CTNNA3: variants seen among roughly 807,000 people sequenced by gnomAD.
CTNNA3 encodes the protein catenin alpha 3.
Under a neutral mutation model 95.7 loss-of-function variants are expected in CTNNA3, and 76 were observed. The observed-to-expected ratio is 0.79, with a 90% confidence interval of 0.66 to 0.96. The LOEUF is 0.96. Ranked by LOEUF, CTNNA3 falls within the 40% of genes least tolerant of loss-of-function variation. The probability of loss-of-function intolerance (pLI) is 0.00; values close to 1 mark genes in which losing one functional copy is unlikely to be tolerated. For missense variants in CTNNA3, 1,191 were observed against 1,089.8 expected (o/e 1.09, Z -1.31); for synonymous variants, 431 against 374.4 (o/e 1.15, Z -1.74).
In CTNNA3 at chr10:67,439,337, A is replaced by G. The variant is rs922821651; in HGVS notation, c.579+82505T>C. 5.3e-5 allele frequency among the ~76,000 whole-genome samples: 8 copies of G among 152,136 alleles called. 1 individual carries two copies. The highest frequency in any genetic ancestry group is 1.3e-4 in the Admixed American group (2 of 15,272). ...GTTTAATTGGCTCATGGTTCTGCCA[A>G]TCAGCATCAGGAAACATGATGCTGG... is the stretch of plus-strand genomic sequence containing the variant. On this transcript the variant is annotated intron_variant, in intron 5 of 17. Coordinates refer to ENST00000433211, the MANE Select transcript of CTNNA3 (RefSeq NM_013266.4).
chr10:66,261,201 C>T (rs7911390), intron 13 of CTNNA3, among the ~76,000 whole-genome samples: 6,980 of 152,142 alleles, frequency 0.046, 275 homozygotes, highest in African/African-American at 0.1. Context: ...ATCTTCTCAG[C>T]TTCTGTTGGG....
At chr10:67,320,749 C>A (rs943035357) in intron 5 of CTNNA3, among the ~76,000 whole-genome samples, 1 of 152,098 alleles carries the variant, frequency 6.6e-6, no homozygotes, top group African/African-American at 2.4e-5. Flanking sequence ...AGCCTTAGTG[C>A]AAATCATACA....
chr10:66,355,895 G>A (rs543870127), intron 12 of CTNNA3, among the ~76,000 whole-genome samples: 1 of 33,570 alleles, frequency 3.0e-5, no homozygotes, highest in South Asian at 1.3e-3. Flanking sequence ...ATAAGTTGAG[G>A]TTCAATGTCT....
chr10:67,682,158 C>CAAAAA (rs1042799163), intron 1 of CTNNA3, among the ~76,000 whole-genome samples: 1 of 103,726 alleles, frequency 9.6e-6, no homozygotes, highest in Admixed American at 9.9e-5. Flanking sequence ...AACCCCGTCT[C>CAAAAA]AAAAAAAAAA....
intron 7 of CTNNA3, among the ~76,000 whole-genome samples, chr10:67,038,179 T>A (rs1347867837): frequency 1.3e-5 from 2 of 152,148 alleles, no homozygotes; most frequent in Non-Finnish European, 2.9e-5. Flanking sequence ...TGAAATTCAG[T>A]TGGATAATCC....
At chr10:66,609,923 A>G (rs565182080) in intron 10 of CTNNA3, among the ~76,000 whole-genome samples, 1 of 152,306 alleles carries the variant, frequency 6.6e-6, no homozygotes, top group East Asian at 1.9e-4. Context: ...GCAGCCATAA[A>G]AAAGATTGAG....
intron 7 of CTNNA3, among the ~76,000 whole-genome samples, chr10:66,826,500 T>C (rs1470024334): frequency 6.6e-6 from 1 of 152,164 alleles, no homozygotes; most frequent in Non-Finnish European, 1.5e-5. Context: ...AGAATGTTTG[T>C]TTTCTAATTT....
At chr10:66,044,486 G>A (rs549556877) in intron 15 of CTNNA3, among the ~76,000 whole-genome samples, 15 of 150,174 alleles carry the variant, frequency 1.0e-4, no homozygotes, top group Middle Eastern at 3.4e-3. Context: ...CCTCCTCTCC[G>A]TACATGACCC....
At chr10:66,784,145 T>A (rs1280862009) in intron 7 of CTNNA3, among the ~76,000 whole-genome samples, 1 of 152,194 alleles carries the variant, frequency 6.6e-6, no homozygotes, top group African/African-American at 2.4e-5. Flanking sequence ...GGATGTATTC[T>A]TTGCTGATTA....
intron 1 of CTNNA3, among the ~76,000 whole-genome samples, chr10:67,723,496 A>G (rs1194415086): frequency 6.6e-6 from 1 of 151,868 alleles, no homozygotes; most frequent in African/African-American, 2.4e-5. Context: ...GTTTCACCAC[A>G]TTGCCTAAGC....
At chr10:67,490,757 T>C (rs1848616535) in intron 5 of CTNNA3, among the ~76,000 whole-genome samples, 1 of 152,142 alleles carries the variant, frequency 6.6e-6, no homozygotes, top group Non-Finnish European at 1.5e-5. Context: ...GGAATGAGTA[T>C]GTGGGGCTCT....
At chr10:66,350,477 G>A (rs1429187841) in intron 12 of CTNNA3, among the ~76,000 whole-genome samples, 1 of 151,762 alleles carries the variant, frequency 6.6e-6, no homozygotes, top group Non-Finnish European at 1.5e-5. Context: ...CTGAGTAAGG[G>A]CAAGAGATAC....
At chr10:67,054,451 T>C (rs1855301128) in intron 7 of CTNNA3, among the ~76,000 whole-genome samples, 1 of 152,182 alleles carries the variant, frequency 6.6e-6, no homozygotes, top group Admixed American at 6.5e-5. Flanking sequence ...CTTCAATCTC[T>C]GGCCTAATGC....
At chr10:67,413,281 A>C (rs1216423226) in intron 5 of CTNNA3, among the ~76,000 whole-genome samples, 1 of 133,274 alleles carries the variant, frequency 7.5e-6, no homozygotes, top group African/African-American at 3.1e-5. Context: ...TTCATTCTTC[A>C]TTCATTCATC....
intron 11 of CTNNA3, among the ~76,000 whole-genome samples, chr10:66,394,550 TAAA>T (rs71035137): frequency 0.083 from 10,584 of 128,144 alleles, 513 homozygotes; most frequent in East Asian, 0.22. Flanking sequence ...AGCACTGGGT[TAAA>T]AAAAAAAAAA....
rs77396703 is a variant in CTNNA3 at position 67,208,223 on chromosome 10, A to C, written c.843+11384T>G. Among the ~76,000 whole-genome samples the C allele has an allele frequency of 1.2e-4, 17 of 139,144 alleles. 1 individual carries two copies. In the South Asian group the frequency reaches 4.0e-3, roughly 33 times the overall value. The allele number at this position is 139,144 out of a possible 152,430, so 91.3% of individuals were successfully genotyped here. A position where few individuals can be genotyped will look rare whatever the true frequency, so the allele number is the denominator to read the frequency against. The stretch of plus-strand genomic sequence containing the variant: ...ACGTCTCTACTAAAAACACACACAC[A>C]AAAAAAATTAGCTGGGCCTGGTGGC... On this transcript the variant is annotated intron_variant, in intron 6 of 17. Transcript: ENST00000433211.
intron 9 of CTNNA3, among the ~76,000 whole-genome samples, chr10:66,666,539 C>CT: frequency 6.6e-6 from 1 of 152,044 alleles, no homozygotes; most frequent in Admixed American, 6.6e-5. Flanking sequence ...ATAAGGACAC[C>CT]TTTTTTGCAT....
intron 7 of CTNNA3, among the ~76,000 whole-genome samples, chr10:66,795,294 T>G (rs1342240839): frequency 6.6e-6 from 1 of 152,116 alleles, no homozygotes; most frequent in Admixed American, 6.6e-5. Context: ...GATCCATGGG[T>G]TACAGAATGG....
intron 5 of CTNNA3, among the ~76,000 whole-genome samples, chr10:67,480,943 G>A (rs61866946): frequency 5.3e-4 from 81 of 152,144 alleles, no homozygotes; most frequent in Admixed American, 9.8e-4. Context: ...GGGACGCAAC[G>A]TTGGTTCAAC....
Sources: allele counts gnomAD v4.1 joint callset (sites outside exome capture counted in the v4.1 genomes callset), GRCh38; gene constraint gnomAD v4.1.1; transcripts MANE v1.5; gene names NCBI Gene and HGNC (gene_info 2026-07-23, HGNC 2026-07-21).